PRKACB: variants seen among roughly 807,000 people sequenced by gnomAD.
The protein encoded by PRKACB is protein kinase cAMP-activated catalytic subunit beta.
Under a neutral mutation model 51.4 loss-of-function variants are expected in PRKACB, and 16 were observed. The ratio of observed to expected loss-of-function variants is 0.31; its 90% CI spans 0.21 to 0.47. The LOEUF (loss-of-function observed/expected upper bound fraction) is 0.47, where lower values mean the gene tolerates loss of function less well. Among genes scored for constraint, PRKACB ranks in the 20% least tolerant of loss-of-function variants. The probability of loss-of-function intolerance (pLI) is 1.00; values close to 1 mark genes in which losing one functional copy is unlikely to be tolerated. For synonymous variants in PRKACB, 147 were observed against 154.4 expected (o/e 0.95, Z 0.35); for missense variants, 309 against 464.5 (o/e 0.67, Z 3.08).
At chr1:84,164,992 A>G (rs1656926565) in intron 1 of PRKACB, 1 of 1,547,172 alleles carries the variant, frequency 6.5e-7, no homozygotes, top group Non-Finnish European at 8.7e-7. Flanking sequence ...TGTTTTGGAA[A>G]GGTTGGTTTT....
chr1:84,237,567 G>A lies in PRKACB; in HGVS notation c.*2262G>A, dbSNP rs1173878374. 6.6e-6 allele frequency: 1 copy of A among 152,294 alleles called. No individual in the cohort carries two copies. The highest frequency in any genetic ancestry group is 2.4e-5 in the African/African-American group (1 of 41,418). The allele number at this position is 152,294 out of a possible 1,614,324, so 9.4% of individuals were successfully genotyped here. A position where few individuals can be genotyped will look rare whatever the true frequency, so the allele number is the denominator to read the frequency against. The stretch of plus-strand genomic sequence containing the variant: ...CTATTTAAAGGCCGTGAGCAAGCTT[G>A]TCATGAGCAAATATGTCAAGGGAGT... On this transcript the variant is annotated 3_prime_UTR_variant, in exon 10 of 10. Transcript: ENST00000370685.
intron 1 of PRKACB, among the ~76,000 whole-genome samples, chr1:84,084,687 G>A (rs1459649190): frequency 6.6e-6 from 1 of 152,152 alleles, no homozygotes; most frequent in African/African-American, 2.4e-5. Context: ...TGGGAAATGA[G>A]GAAAAGGAGG....
At chr1:84,152,666 G>A (rs1280399632) in intron 1 of PRKACB, among the ~76,000 whole-genome samples, 2 of 152,122 alleles carry the variant, frequency 1.3e-5, no homozygotes, top group Non-Finnish European at 2.9e-5. Context: ...TCAGACTTCT[G>A]CAACTTCCTC....
chr1:84,104,291 G>T (rs1294553281), intron 1 of PRKACB, among the ~76,000 whole-genome samples: 1 of 152,032 alleles, frequency 6.6e-6, no homozygotes, highest in Non-Finnish European at 1.5e-5. Context: ...CATCCATGTT[G>T]CCACAAATAA....
At chr1:84,161,263 A>G (rs1571903629) in intron 1 of PRKACB, among the ~76,000 whole-genome samples, 1 of 151,824 alleles carries the variant, frequency 6.6e-6, no homozygotes, top group East Asian at 1.9e-4. Context: ...TATTTTGTCT[A>G]ATATTGATAT....
At chr1:84,193,476 G>A (rs1667369739) in intron 5 of PRKACB, among the ~76,000 whole-genome samples, 2 of 152,182 alleles carry the variant, frequency 1.3e-5, no homozygotes, top group Non-Finnish European at 2.9e-5. Context: ...AGACCAGGTG[G>A]TCTTTGGTGT....
Position 84,115,593 on chromosome 1 carries a change from T to G in PRKACB, c.46+37222T>G, listed in dbSNP as rs566430662. ...TTTTTGAGGTCTTAGTTGTAAATTC[T>G]TTGCCTAGGCCAGGTGCGGTGGCTC... On this transcript the variant is annotated intron_variant, in intron 1 of 8. Transcript: ENST00000370688. Among the ~76,000 whole-genome samples the G allele has an allele frequency of 2.6e-5, 4 of 152,034 alleles. No individual in the cohort carries two copies. The East Asian group carries it at 7.8e-4, about 29-fold the overall frequency.
intron 1 of PRKACB, chr1:84,175,806 TG>T: frequency 1.3e-6 from 2 of 1,571,998 alleles, no homozygotes; most frequent in Admixed American, 1.9e-5. Flanking sequence ...TAGATTCCTT[TG>T]GTATGCTCAT....
At chr1:84,175,932 A>G (rs529212030) in intron 1 of PRKACB, 24 of 687,250 alleles carry the variant, frequency 3.5e-5, no homozygotes, top group Non-Finnish European at 5.0e-5. Context: ...TCTTTTTTGT[A>G]GTATCTACTT....
At chr1:84,207,447 T>C (rs1244289152) in intron 8 of PRKACB, among the ~76,000 whole-genome samples, 7 of 151,976 alleles carry the variant, frequency 4.6e-5, no homozygotes. Context: ...CTCGGCACCA[T>C]ATCTATAACA....
intron 1 of PRKACB, among the ~76,000 whole-genome samples, chr1:84,117,775 G>A (rs1229983559): frequency 6.6e-6 from 1 of 151,998 alleles, no homozygotes; most frequent in East Asian, 1.9e-4. Flanking sequence ...TGTTTTTAAA[G>A]CCTCTATTTC....
rs1270474181 is a variant in PRKACB, at chr1:84,078,297, C to T, written c.-29C>T. On this transcript the variant is annotated 5_prime_UTR_variant, in exon 1 of 9. Coordinates refer to the PRKACB transcript ENST00000370688. ...CACGGCCCCAGCCCCCCTTCCCTTC[C>T]CTGACCCCTTCTTGCCATCGCCCCA... 3 of 1,600,428 alleles carry T rather than the reference C, an allele frequency of 1.9e-6. No homozygotes were observed. The South Asian group carries it at 3.4e-5, about 18-fold the overall frequency.
In PRKACB at chr1:84,093,537, A is replaced by T. The variant is rs534951563; in HGVS notation, c.46+15166A>T. On this transcript the variant is annotated intron_variant, in intron 1 of 8. Coordinates refer to the PRKACB transcript ENST00000370688. The stretch of plus-strand genomic sequence containing the variant: ...ATAACTTTATAATAGAAGTCATCAT[A>T]ATCAGTAGTATAAATCCTAAAACTT... 5.5e-4 allele frequency among the ~76,000 whole-genome samples: 84 copies of T among 152,156 alleles called. 1 individual carries two copies. In the South Asian group the frequency reaches 0.017, roughly 30 times the overall value.
At chr1:84,209,334 T>C (rs1671797620) in intron 8 of PRKACB, among the ~76,000 whole-genome samples, 1 of 152,132 alleles carries the variant, frequency 6.6e-6, no homozygotes. Context: ...AAATTCAACC[T>C]GTCTAAAACT....
intron 1 of PRKACB, among the ~76,000 whole-genome samples, chr1:84,132,825 T>G (rs1652377319): frequency 6.6e-6 from 1 of 151,404 alleles, no homozygotes; most frequent in African/African-American, 2.4e-5. Context: ...CTCCCTAAAG[T>G]GAAATATAAA....
chr1:84,231,542 A>C (rs1675659237), intron 9 of PRKACB, among the ~76,000 whole-genome samples: 2 of 152,160 alleles, frequency 1.3e-5, no homozygotes, highest in Admixed American at 6.5e-5. Flanking sequence ...CTGTGAATCC[A>C]TCTGGTCCTG....
chr1:84,205,385 G>C, intron 8 of PRKACB: 2 of 585,442 alleles, frequency 3.4e-6, no homozygotes, highest in Non-Finnish European at 4.3e-6. Flanking sequence ...AAACTAACTA[G>C]TTTTTTAAAT....
chr1:84,078,961 G>A (rs1022365921), intron 1 of PRKACB, among the ~76,000 whole-genome samples: 14 of 152,202 alleles, frequency 9.2e-5, no homozygotes, highest in African/African-American at 3.1e-4. Flanking sequence ...AAGCCAGGCA[G>A]GTTTGCCTTT....
intron 1 of PRKACB, among the ~76,000 whole-genome samples, chr1:84,118,460 C>T (rs1394024431): frequency 1.3e-5 from 2 of 152,040 alleles, no homozygotes; most frequent in Non-Finnish European, 2.9e-5. Context: ...TTTAACATTA[C>T]AGACAGAAAT....
Sources: gnomAD v4.1 joint callset for allele counts (sites outside exome capture counted in the v4.1 genomes callset) on GRCh38, gnomAD v4.1.1 for gene constraint, MANE v1.5 for transcripts, NCBI Gene and HGNC (gene_info 2026-07-23, HGNC 2026-07-21) for gene names.